SVOPL: variants seen among roughly 807,000 people sequenced by gnomAD.
SVOPL encodes the protein SVOP like.
SVOPL carries 60 observed loss-of-function variants against 61.0 expected under a neutral mutation model. The observed-to-expected ratio is 0.98, with a 90% CI of 0.80 to 1.22. SVOPL has a LOEUF of 1.22. SVOPL is among the 50% of genes most tolerant of loss of function. The pLI is 0.00. For synonymous variants in SVOPL, 279 were observed against 250.0 expected, an observed-to-expected ratio of 1.12 and a Z score of -1.09; for missense variants, 662 against 643.9, an observed-to-expected ratio of 1.03 and a Z score of -0.30.
intron 1 of SVOPL, among the ~76,000 whole-genome samples, chr7:138,683,496 T>C (rs2117128885): frequency 6.6e-6 from 1 of 151,952 alleles, no homozygotes; most frequent in East Asian, 2.0e-4. Context: ...GCCTCCCGAG[T>C]AGCTGGGATT....
intron 1 of SVOPL, among the ~76,000 whole-genome samples, chr7:138,694,753 T>C (rs1481301816): frequency 6.6e-6 from 1 of 152,168 alleles, no homozygotes; most frequent in African/African-American, 2.4e-5. Context: ...ATTTTGTTTG[T>C]TTGTTTTGAG....
At chr7:138,629,961 C>G in intron 10 of SVOPL, 88 bp downstream of exon 10, 1 of 1,036,032 alleles carries the variant, frequency 9.7e-7, no homozygotes, top group Non-Finnish European at 1.5e-6. Context: ...ATGTTTTTCT[C>G]CCCAGTGGCA....
At chr7:138,685,729 G>T (rs564369760) in intron 1 of SVOPL, among the ~76,000 whole-genome samples, 1 of 151,836 alleles carries the variant, frequency 6.6e-6, no homozygotes, top group African/African-American at 2.4e-5. Context: ...GCGTGGTGGC[G>T]GGTGCAGTGG....
chr7:138,628,432 T>C, intron 10 of SVOPL, 69 bp from the exon 11 acceptor site: 1 of 1,508,826 alleles, frequency 6.6e-7, no homozygotes, highest in Non-Finnish European at 9.1e-7. Context: ...GGGGAGGGGA[T>C]ACCAAGTGGA....
chr7:138,639,344 C>T lies in SVOPL; in HGVS notation c.789+5373G>A, dbSNP rs189233232. ...GTCCAACTCATTATTAAAAGAATAT[C>T]GGCTGGGCACAGTGGCTCATGCCTG... is the stretch of plus-strand genomic sequence containing the variant. On this transcript the variant is annotated intron_variant, in intron 9 of 15. Coordinates refer to ENST00000674285, the MANE Select transcript of SVOPL (RefSeq NM_001139456.2). Among the ~76,000 whole-genome samples the T allele has an allele frequency of 1.5e-4, 22 of 147,622 alleles. No homozygotes were observed. In the East Asian group the frequency reaches 2.9e-3, roughly 20 times the overall value.
At chr7:138,673,923 G>A (rs756870837) in intron 3 of SVOPL, among the ~76,000 whole-genome samples, 4 of 152,096 alleles carry the variant, frequency 2.6e-5, no homozygotes, top group African/African-American at 4.8e-5. Flanking sequence ...GGTGGCTTAC[G>A]CCTGTAATCC....
At position 138,642,287 on chromosome 7, in the gene SVOPL, C is replaced by CAAAAAAA. The variant is rs79469915; in HGVS notation, c.789+2423_789+2429dup. 1.4e-3 allele frequency among the ~76,000 whole-genome samples: 155 copies of CAAAAAAA among 111,602 alleles called. 1 individual carries two copies. Among genetic ancestry groups the CAAAAAAA allele is most frequent in the South Asian group, 6.9e-3 (23 of 3,334 alleles). 73.2% of individuals were successfully genotyped at this position (111,602 alleles called of 152,430 possible). ...CAAAGAAAATAAAACGGAAATTAGC[C>CAAAAAAA]AAAAAAAAAAAAAAAAAAATCAATA... On this transcript the variant is annotated intron_variant, in intron 9 of 15. Transcript: ENST00000674285.
intron 1 of SVOPL, among the ~76,000 whole-genome samples, chr7:138,695,099 A>T (rs918576215): frequency 3.9e-5 from 6 of 152,228 alleles, no homozygotes; most frequent in African/African-American, 1.4e-4. Flanking sequence ...CAAAGATGTT[A>T]TCCAAAACTG....
chr7:138,638,003 G>A (rs1237799195), intron 9 of SVOPL, among the ~76,000 whole-genome samples: 1 of 152,012 alleles, frequency 6.6e-6, no homozygotes, highest in Non-Finnish European at 1.5e-5. Flanking sequence ...GCCGGGTGTT[G>A]TGGCTCACAC....
chr7:138,615,318 G>A lies in SVOPL; in HGVS notation c.1353+5728C>T, dbSNP rs535077729. Reference sequence around the variant, plus strand: ...CACGCCTGTAATCCCAGCACTTTGGGAGGCCGAGATGGGCAGATCACGAAG... The same window carrying A: ...CACGCCTGTAATCCCAGCACTTTGGAAGGCCGAGATGGGCAGATCACGAAG... On this transcript the variant is annotated intron_variant, in intron 14 of 15. Coordinates refer to ENST00000674285, the MANE Select transcript of SVOPL (RefSeq NM_001139456.2). Among the ~76,000 whole-genome samples the A allele has an allele frequency of 1.6e-4, 25 of 152,274 alleles. 1 individual carries two copies. In the South Asian group the frequency reaches 5.2e-3, roughly 32 times the overall value.
intron 1 of SVOPL, among the ~76,000 whole-genome samples, chr7:138,685,427 G>A (rs1037829972): frequency 2.6e-5 from 4 of 152,156 alleles, no homozygotes; most frequent in African/African-American, 9.7e-5. Flanking sequence ...ATGCCATTCT[G>A]AGTGGCTGAG....
intron 1 of SVOPL, among the ~76,000 whole-genome samples, chr7:138,690,226 A>G (rs576828894): frequency 1.3e-5 from 2 of 152,294 alleles, no homozygotes; most frequent in South Asian, 4.1e-4. Context: ...GAACTAATAC[A>G]CGTGTCCACG....
chr7:138,603,955 C>CTTTTTTTTTTTTT (rs560678707), intron 14 of SVOPL, among the ~76,000 whole-genome samples: 21 of 109,252 alleles, frequency 1.9e-4, no homozygotes, highest in East Asian at 2.5e-4. Flanking sequence ...TTAATTTATT[C>CTTTTTTTTTTTTT]TTTTTTTTTT....
At chr7:138,698,743 T>C (rs1178340304) in intron 1 of SVOPL, among the ~76,000 whole-genome samples, 2 of 152,228 alleles carry the variant, frequency 1.3e-5, no homozygotes, top group African/African-American at 4.8e-5. Flanking sequence ...TATGTCAATG[T>C]GCCATTGCAT....
At chr7:138,634,677 A>T (rs1800382361) in intron 9 of SVOPL, among the ~76,000 whole-genome samples, 1 of 150,914 alleles carries the variant, frequency 6.6e-6, no homozygotes, top group Non-Finnish European at 1.5e-5. Context: ...AAAACAAAAA[A>T]ATTAGCCAGG....
rs35924408 is a variant in SVOPL at position 138,672,656 on chromosome 7, T to TTAAAAAA, written c.175-540_175-539insTTTTTTA. Among the ~76,000 whole-genome samples the TTAAAAAA allele has an allele frequency of 3.2e-3, 384 of 118,808 alleles. 9 individuals are homozygous for TTAAAAAA. The highest frequency in any genetic ancestry group is 0.012 in the African/African-American group (354 of 30,016). 77.9% of individuals were successfully genotyped at this position (118,808 alleles called of 152,430 possible). On this transcript the variant is annotated intron_variant, in intron 3 of 15. Transcript: ENST00000674285. ...GCAGGAAAGTGTTTTTTTTTGTGTTTAAAAAAAAAAAAAAAAAAAGAAGCA... is the reference window on the plus strand; with the variant it reads ...GCAGGAAAGTGTTTTTTTTTGTGTTTTAAAAAAAAAAAAAAAAAAAAAAAAAGAAGCA...
Position 138,639,534 on chromosome 7 carries a change from G to A in SVOPL, c.789+5183C>T, listed in dbSNP as rs556506839. Among the ~76,000 whole-genome samples the A allele has an allele frequency of 1.9e-3, 292 of 151,954 alleles. 2 individuals carry two copies. The highest frequency in any genetic ancestry group is 6.6e-3 in the African/African-American group (273 of 41,428). ...CCCAGCTACTTGGGAGGCCGAGGCA[G>A]GAGAATCGCTTGAACCTGGGAGGCA... is the stretch of plus-strand genomic sequence containing the variant. On this transcript the variant is annotated intron_variant, in intron 9 of 15. Coordinates refer to ENST00000674285, the MANE Select transcript of SVOPL (RefSeq NM_001139456.2).
At chr7:138,629,950 T>C in intron 10 of SVOPL, 99 bp downstream of exon 10, 1 of 897,900 alleles carries the variant, frequency 1.1e-6, no homozygotes, top group South Asian at 1.5e-5. Context: ...GAGTTAGTCT[T>C]ATGTTTTTCT....
At chr7:138,692,515 C>A (rs535919032) in intron 1 of SVOPL, among the ~76,000 whole-genome samples, 1 of 151,974 alleles carries the variant, frequency 6.6e-6, no homozygotes, top group African/African-American at 2.4e-5. Flanking sequence ...TAACAAAAGT[C>A]AACATAATAG....
Sources: allele counts gnomAD v4.1 joint callset (sites outside exome capture counted in the v4.1 genomes callset), GRCh38; gene constraint gnomAD v4.1.1; transcripts MANE v1.5; gene names NCBI Gene and HGNC (gene_info 2026-07-23, HGNC 2026-07-21).